ASPM: variants seen among roughly 807,000 people sequenced by gnomAD.
ASPM encodes assembly factor for spindle microtubules.
Under a neutral mutation model 366.4 loss-of-function variants are expected in ASPM, and 256 were observed. That is an observed-to-expected ratio of 0.70 (90% confidence interval 0.63 to 0.77). The LOEUF is 0.77. Among genes scored for constraint, ASPM ranks in the 30% least tolerant of loss-of-function variants. The pLI, the probability that ASPM is intolerant of heterozygous loss-of-function variation, is 0.00. For synonymous variants in ASPM, 1,414 were observed against 1,342.9 expected, an observed-to-expected ratio of 1.05 and a Z score of -1.16; for missense variants, 4,146 against 4,090.4, an observed-to-expected ratio of 1.01 and a Z score of -0.37.
chr1:197,128,142 C>A (rs570477552), intron 10 of ASPM, among the ~76,000 whole-genome samples: 5 of 149,010 alleles, frequency 3.4e-5, no homozygotes, highest in African/African-American at 7.4e-5. Context: ...CCAGACTGGG[C>A]AACAGAGCAA....
intron 17 of ASPM, among the ~76,000 whole-genome samples, chr1:197,106,584 A>T (rs1657418517): frequency 6.6e-6 from 1 of 152,072 alleles, no homozygotes; most frequent in Non-Finnish European, 1.5e-5. Flanking sequence ...TTACTACTCC[A>T]TTACTGAAAT....
intron 4 of ASPM, among the ~76,000 whole-genome samples, chr1:197,137,861 C>G (rs1658469476): frequency 6.6e-6 from 1 of 152,140 alleles, no homozygotes; most frequent in Non-Finnish European, 1.5e-5. Context: ...CAACTCATGG[C>G]TTCTCATTGT....
Position 197,142,925 on chromosome 1 carries a change from C to T in ASPM, c.1327G>A (p.Gly443Ser). The T allele has an allele frequency of 6.2e-7, 1 of 1,613,864 alleles. No individual in the cohort carries two copies. Among genetic ancestry groups the T allele is most frequent in the Non-Finnish European group, 8.5e-7 (1 of 1,179,844 alleles). Residue 443 changes from glycine (G) to serine (S), a missense_variant, in exon 3 of 28, where the codon GGT (glycine) becomes AGT (serine). By Grantham distance (56) the Gly-to-Ser change is moderately conservative. Coordinates refer to ENST00000367409, the MANE Select transcript of ASPM (RefSeq NM_018136.5). ...EVSPRIPECQ[G>S]SKSPKAIFEE... The stretch of plus-strand genomic sequence containing the variant: ...AAAATAGCTTTGGGAGATTTTGAAC[C>T]CTGACATTCAGGAATACGTGGCGAA...
At chr1:197,123,728 TAG>T (rs370615683) in intron 13 of ASPM, among the ~76,000 whole-genome samples, 130 of 152,312 alleles carry the variant, frequency 8.5e-4, no homozygotes, top group African/African-American at 2.9e-3. Flanking sequence ...CAAATGATTA[TAG>T]AGAGACTCAA....
chr1:197,131,757 C>T (rs1658261639), intron 7 of ASPM, among the ~76,000 whole-genome samples: 1 of 151,810 alleles, frequency 6.6e-6, no homozygotes, highest in Non-Finnish European at 1.5e-5. Context: ...GATAGGGTTT[C>T]ACCATGTTAG....
At chr1:197,135,049 T>C in intron 5 of ASPM, 47 bp downstream of exon 5, 1 of 1,331,168 alleles carries the variant, frequency 7.5e-7, no homozygotes, top group East Asian at 2.5e-5. Context: ...TAAAAATCTT[T>C]ATCTGTTAAA....
intron 26 of ASPM, among the ~76,000 whole-genome samples, chr1:197,087,215 C>T (rs1362278764): frequency 6.6e-6 from 1 of 152,020 alleles, no homozygotes; most frequent in African/African-American, 2.4e-5. Flanking sequence ...GCTGGGATTA[C>T]AGGCACCCGC....
At chr1:197,105,221 G>A (rs1657374530) in intron 17 of ASPM, 36 bp from the exon 18 acceptor site, 4 of 1,487,736 alleles carry the variant, frequency 2.7e-6, no homozygotes, top group African/African-American at 2.8e-5. Context: ...AGTAAAATAG[G>A]CATAGCTTTC....
chr1:197,107,679 T>G (rs756511320), intron 17 of ASPM, among the ~76,000 whole-genome samples: 10 of 151,994 alleles, frequency 6.6e-5, no homozygotes, highest in Non-Finnish European at 1.3e-4. Context: ...AAGTTGAAAC[T>G]AATGGAAAGA....
rs554836768 is a variant in ASPM at position 197,112,301 on chromosome 1, T to C, written c.4065+5488A>G. 2.6e-5 allele frequency among the ~76,000 whole-genome samples: 4 copies of C among 152,050 alleles called. No individual in the cohort carries two copies. The East Asian group carries it at 7.8e-4, about 30-fold the overall frequency. On this transcript the variant is annotated intron_variant, in intron 17 of 27. Transcript: ENST00000367409. ...CATGTTCTTACTTATAAGTGGGAGC[T>C]AAATGATGAGAAAACATGGACACAC...
At chr1:197,087,951 C>T (rs1054752733) in intron 26 of ASPM, among the ~76,000 whole-genome samples, 1 of 152,140 alleles carries the variant, frequency 6.6e-6, no homozygotes, top group Non-Finnish European at 1.5e-5. Context: ...ATGGTTACAA[C>T]AGGAGGATAA....
intron 4 of ASPM, among the ~76,000 whole-genome samples, chr1:197,135,532 C>T (rs1658393421): frequency 6.7e-6 from 1 of 150,362 alleles, no homozygotes; most frequent in African/African-American, 2.5e-5. Context: ...AATAGATGTA[C>T]ACAATTTTGT....
At chr1:197,106,978 C>A (rs60883759) in intron 17 of ASPM, among the ~76,000 whole-genome samples, 6,301 of 152,108 alleles carry the variant, frequency 0.041, 442 homozygotes, top group African/African-American at 0.14. Context: ...ATAACCTGTG[C>A]CATACTTTGT....
rs765080859 is a variant in ASPM, at chr1:197,132,313, T to A, written c.2459A>T (p.Asn820Ile). 9 of 1,613,114 alleles carry A rather than the reference T, an allele frequency of 5.6e-6. 1 individual carries two copies. In the South Asian group the frequency reaches 6.6e-5, roughly 12 times the overall value. The part of the protein sequence containing the change: ...QKVLNWLLSY[N>I]PLWLRIGLET... ...TAGACCAATTCGAAGCCACAAAGGA[T>A]TGTAGGACAACAGCCAATTCAGGAC... The change falls in exon 7 of 28, where the codon AAT (asparagine) becomes ATT (isoleucine). Residue 820 changes from asparagine to isoleucine, a missense_variant. By Grantham distance (149) the Asn-to-Ile change is moderately radical (BLOSUM62 -3). This residue lies in a region of ASPM where 3,624 missense variants were observed against 3,591.7 expected (regional missense o/e 1.01). Transcript: ENST00000367409.
intron 17 of ASPM, among the ~76,000 whole-genome samples, chr1:197,115,185 G>A (rs1657705935): frequency 6.6e-6 from 1 of 152,166 alleles, no homozygotes; most frequent in African/African-American, 2.4e-5. Context: ...GCTACCAGGA[G>A]TAGATCCCAT....
Position 197,103,071 on chromosome 1 carries a change from T to C in ASPM, c.6180A>G (p.Lys2060=). Residue 2060 remains lysine (K), a synonymous_variant, in exon 18 of 28, where the codon AAA becomes AAG. Coordinates refer to ENST00000367409, the MANE Select transcript of ASPM (RefSeq NM_018136.5). The part of the protein sequence containing the change: ...IQSKYRAYKT[K]KKYATYRASA... The stretch of plus-strand genomic sequence containing the variant: ...AAGCTCTATAGGTTGCATATTTCTT[T>C]TTGGTTTTGTAAGCTCTGTATTTAG... 1.2e-6 allele frequency: 2 copies of C among 1,612,678 alleles called. No homozygotes were observed. The highest frequency in any genetic ancestry group is 1.7e-6 in the Non-Finnish European group (2 of 1,179,314).
At position 197,129,993 on chromosome 1, in the gene ASPM, T is replaced by A. The variant is rs2125107877; in HGVS notation, c.2551A>T (p.Ile851Phe). Residue 851 changes from isoleucine (I) to phenylalanine (F), a missense_variant, in exon 8 of 28, where the codon ATT becomes TTT. Physicochemically the swap from Ile to Phe is conservative, Grantham distance 21. This residue lies in a region of ASPM where 3,624 missense variants were observed against 3,591.7 expected (regional missense o/e 1.01). Transcript: ENST00000367409. ...NSDVTGLAMF[I>F]LNRLLWNPDI... ...GGATTCCAAAGTAGGCGATTCAGAA[T>A]AAACATAGCCAACCCTGTGACATCA... 1 of 1,613,980 alleles carries A rather than the reference T, an allele frequency of 6.2e-7. No individual in the cohort carries two copies. Among genetic ancestry groups the A allele is most frequent in the Non-Finnish European group, 8.5e-7 (1 of 1,179,908 alleles).
chr1:197,130,574 A>G (rs1658226528), intron 7 of ASPM, among the ~76,000 whole-genome samples: 1 of 152,214 alleles, frequency 6.6e-6, no homozygotes, highest in South Asian at 2.1e-4. Flanking sequence ...TAAAGCAATT[A>G]GGAAAAACTT....
rs1658054181 is a variant in ASPM, at chr1:197,125,209, T to C, written c.2937-18A>G. On this transcript the variant is annotated intron_variant, in intron 10 of 27. Coordinates refer to ENST00000367409, the MANE Select transcript of ASPM (RefSeq NM_018136.5). ...TGGTTCGCCTGGCAGTAATAAAATG[T>C]TCAGATGAAATTATCATAAAAACGT... 1.2e-6 allele frequency: 2 copies of C among 1,613,558 alleles called. No individual in the cohort carries two copies. The highest frequency in any genetic ancestry group is 8.5e-7 in the Non-Finnish European group (1 of 1,179,518).
Sources: gnomAD v4.1 joint callset for allele counts (sites outside exome capture counted in the v4.1 genomes callset) on GRCh38, gnomAD v4.1.1 for gene constraint, gnomAD v4.1.1 regional missense constraint, MANE v1.5 for transcripts, NCBI Gene and HGNC (gene_info 2026-07-23, HGNC 2026-07-21) for gene names.